The following EBF2 variants were observed in gnomAD, a reference collection of about 807,000 sequenced individuals.
EBF2 encodes EBF transcription factor 2, also known as transcription factor COE2.
A neutral mutation model predicts 72.8 loss-of-function variants in EBF2; 21 were observed. That is an observed-to-expected ratio of 0.29 (90% CI 0.20 to 0.42). EBF2 has a LOEUF of 0.42. Ranked by LOEUF, EBF2 falls within the 10% of genes least tolerant of loss-of-function variation. The pLI, the probability that EBF2 is intolerant of heterozygous loss-of-function variation, is 1.00. For synonymous variants in EBF2, 299 were observed against 274.2 expected (o/e 1.09, Z -0.89); for missense variants, 637 against 731.2 (o/e 0.87, Z 1.49).
intron 6 of EBF2, among the ~76,000 whole-genome samples, chr8:25,955,441 A>G (rs1163721091): frequency 6.6e-6 from 1 of 151,852 alleles, no homozygotes; most frequent in East Asian, 1.9e-4. Context: ...ATTTTGTGAG[A>G]CTCTAAGCAT....
intron 2 of EBF2, chr8:26,041,243 C>T (rs543585738): frequency 5.2e-6 from 3 of 573,614 alleles, no homozygotes; most frequent in Non-Finnish European, 9.3e-6. Context: ...TTAAAAATGT[C>T]CTCAGAAGTG....
chr8:26,004,063 T>G (rs1228966363), intron 6 of EBF2, among the ~76,000 whole-genome samples: 1 of 151,724 alleles, frequency 6.6e-6, no homozygotes, highest in Admixed American at 6.6e-5. Flanking sequence ...ATTATTGAAT[T>G]GGTATTTTCC....
chr8:25,889,722 G>T lies in EBF2; in HGVS notation c.751+30C>A, dbSNP rs569048572. On this transcript the variant is annotated intron_variant, in intron 8 of 15. Coordinates refer to ENST00000520164, the MANE Select transcript of EBF2 (RefSeq NM_022659.4). ...AGGAAATTCGTGGAGAATTTCATGT[G>T]TCTGCTATGCTGAGCGCAGGCAGCC... 3.1e-5 allele frequency: 47 copies of T among 1,534,898 alleles called. No individual in the cohort carries two copies. The South Asian group carries it at 5.3e-4, about 17-fold the overall frequency.
intron 6 of EBF2, among the ~76,000 whole-genome samples, chr8:25,948,890 T>C (rs1803813649): frequency 6.6e-6 from 1 of 152,146 alleles, no homozygotes; most frequent in Admixed American, 6.5e-5. Flanking sequence ...AAACTCTAAC[T>C]ATGGTTGCAG....
intron 6 of EBF2, among the ~76,000 whole-genome samples, chr8:25,935,654 C>T (rs767687262): frequency 5.9e-5 from 9 of 152,166 alleles, no homozygotes; most frequent in Non-Finnish European, 5.9e-5. Context: ...ATTTGTTTGC[C>T]ACTTGCATAT....
At chr8:26,024,304 G>A (rs1172999953) in intron 6 of EBF2, among the ~76,000 whole-genome samples, 1 of 151,966 alleles carries the variant, frequency 6.6e-6, no homozygotes, top group Non-Finnish European at 1.5e-5. Context: ...TCTCTTTTAT[G>A]GTACTTTTTG....
intron 6 of EBF2, among the ~76,000 whole-genome samples, chr8:25,988,044 C>T (rs1804489597): frequency 2.0e-5 from 3 of 152,112 alleles, no homozygotes; most frequent in Admixed American, 2.0e-4. Flanking sequence ...TTTCAAAAGA[C>T]CTAATTCCTC....
At chr8:25,889,896 A>AG in intron 7 of EBF2, 27 bp from the exon 8 acceptor site, 7 of 1,590,400 alleles carry the variant, frequency 4.4e-6, no homozygotes, top group Non-Finnish European at 6.0e-6. Flanking sequence ...AAAAGGAGAA[A>AG]GGGGGTGCAG....
chr8:26,015,044 G>A (rs1805086234), intron 6 of EBF2, among the ~76,000 whole-genome samples: 1 of 152,136 alleles, frequency 6.6e-6, no homozygotes, highest in Admixed American at 6.5e-5. Context: ...AACAGGTGCT[G>A]GAATAGAATT....
At chr8:25,851,173 A>C (rs1801962109) in intron 14 of EBF2, among the ~76,000 whole-genome samples, 1 of 151,102 alleles carries the variant, frequency 6.6e-6, no homozygotes, top group Non-Finnish European at 1.5e-5. Context: ...CACACCCTAC[A>C]AAAAAAGTCC....
rs950304758 is a variant in EBF2, at chr8:25,858,241, A to T, written c.1528+78T>A. 83 of 1,552,506 alleles carry T rather than the reference A, an allele frequency of 5.3e-5. No homozygotes were observed. In the East Asian group the frequency reaches 1.7e-3, roughly 31 times the overall value. On this transcript the variant is annotated intron_variant, in intron 14 of 15. Transcript: ENST00000520164. Reference sequence around the variant, plus strand: ...CAACTTAGGAAGATTTACAAATGCAACTTTCTCCCAAAAGGCCCAATAGTA... The same window carrying T: ...CAACTTAGGAAGATTTACAAATGCATCTTTCTCCCAAAAGGCCCAATAGTA...
intron 10 of EBF2, among the ~76,000 whole-genome samples, chr8:25,885,235 T>C (rs890702703): frequency 1.3e-5 from 2 of 152,048 alleles, no homozygotes; most frequent in African/African-American, 4.8e-5. Context: ...TAAAAAAATG[T>C]GGTAAAATAC....
intron 7 of EBF2, 128 bp from the exon 8 acceptor site, chr8:25,889,997 G>C: frequency 1.3e-6 from 1 of 748,662 alleles, no homozygotes; most frequent in Admixed American, 2.1e-5. Flanking sequence ...CAGAACTTGG[G>C]ACTCAACAGA....
chr8:26,002,510 G>T (rs2117221528), intron 6 of EBF2, among the ~76,000 whole-genome samples: 1 of 152,266 alleles, frequency 6.6e-6, no homozygotes, highest in East Asian at 1.9e-4. Flanking sequence ...CAAGGGCCCG[G>T]GGCTGAGCAC....
chr8:25,964,202 T>C (rs1239592808), intron 6 of EBF2, among the ~76,000 whole-genome samples: 1 of 149,300 alleles, frequency 6.7e-6, no homozygotes, highest in Admixed American at 6.6e-5. Context: ...CAAACAATCA[T>C]TGGATAGGAA....
intron 6 of EBF2, among the ~76,000 whole-genome samples, chr8:26,005,899 A>T (rs1200800792): frequency 6.6e-6 from 1 of 151,812 alleles, no homozygotes; most frequent in African/African-American, 2.4e-5. Context: ...TTCAAAGCAC[A>T]AATCCTTCCC....
intron 10 of EBF2, among the ~76,000 whole-genome samples, chr8:25,881,589 G>A (rs1802605930): frequency 6.6e-6 from 1 of 152,206 alleles, no homozygotes; most frequent in Non-Finnish European, 1.5e-5. Flanking sequence ...TATGGAAGTG[G>A]GGAAGGGAAG....
At chr8:25,850,862 G>T in intron 14 of EBF2, 101 bp from the exon 15 acceptor site, 3 of 1,330,322 alleles carry the variant, frequency 2.3e-6, no homozygotes, top group South Asian at 1.5e-5. Flanking sequence ...TCCATGCATT[G>T]TTCCAGATTG....
chr8:25,900,282 C>A (rs1370685417), intron 7 of EBF2, among the ~76,000 whole-genome samples: 1 of 152,114 alleles, frequency 6.6e-6, no homozygotes, highest in Non-Finnish European at 1.5e-5. Flanking sequence ...ATAGCAAAAC[C>A]CTGTCTCTAC....
Sources: allele counts gnomAD v4.1 joint callset (sites outside exome capture counted in the v4.1 genomes callset), GRCh38; gene constraint gnomAD v4.1.1; transcripts MANE v1.5; gene names NCBI Gene and HGNC (gene_info 2026-07-23, HGNC 2026-07-21).